Variants in ZNF469 observed in about 807,000 individuals in gnomAD.
The protein encoded by ZNF469 is zinc finger protein 469.
Under a neutral mutation model 1.0 loss-of-function variants are expected in ZNF469, and 1 was observed. That is an observed-to-expected ratio of 1.00 (90% CI 0.35 to 4.73). The LOEUF (loss-of-function observed/expected upper bound fraction) is 4.73, where lower values mean the gene tolerates loss of function less well. Ranked by LOEUF, ZNF469 falls within the 30% of genes most tolerant of loss-of-function variation. The pLI, the probability that ZNF469 is intolerant of heterozygous loss-of-function variation, is 0.16. For missense variants in ZNF469, 6,100 were observed against 5,356.3 expected (o/e 1.14, Z -4.33); for synonymous variants, 2,703 against 2,363.4 (o/e 1.14, Z -4.17).
At chr16:88,298,594 C>G in the ZNF469 span, among the ~76,000 whole-genome samples, 1 of 152,206 alleles carries the variant, frequency 6.6e-6, no homozygotes, top group African/African-American at 2.4e-5. Context: ...ACGATTCTTA[C>G]TCTTAAAATA....
the ZNF469 span, among the ~76,000 whole-genome samples, chr16:88,124,702 A>G: frequency 2.0e-5 from 3 of 152,178 alleles, no homozygotes. Flanking sequence ...CTCCTGCCTC[A>G]GTCTCCCGAG....
chr16:88,130,436 C>A, the ZNF469 span, among the ~76,000 whole-genome samples: 265 of 152,240 alleles, frequency 1.7e-3, 1 homozygote, highest in African/African-American at 6.1e-3. Context: ...CACTCAAGGA[C>A]TTCACCGGCA....
chr16:88,234,856 G>C, the ZNF469 span: 2 of 152,198 alleles, frequency 1.3e-5, no homozygotes, highest in African/African-American at 4.8e-5. Context: ...GCAAGCAATC[G>C]TGCCTGACTC....
chr16:88,428,700 G>A lies in ZNF469; in HGVS notation c.1230G>A (p.Ala410=), dbSNP rs942110257. The A allele has an allele frequency of 2.1e-5, 32 of 1,549,000 alleles. No individual in the cohort carries two copies. The highest frequency in any genetic ancestry group is 2.4e-5 in the East Asian group (1 of 40,904). ...CCCAGAGGCACTTTCCAGGGCAGGC[G>A]TACAGAGCCAGTGGGGTGGACACCA... ...SLPQRHFPGQ[A]YRASGVDTSP... Residue 410 remains alanine, a synonymous_variant, in exon 3 of 3, where the codon GCG becomes GCA. Transcript: ENST00000565624.
rs273585628 is a variant in ZNF469 at position 88,438,043 on chromosome 16, G to A, written c.10573G>A (p.Glu3525Lys). Residue 3525 changes from glutamate (E) to lysine (K), a missense_variant, in exon 3 of 3, where the codon GAG becomes AAG. Transcript: ENST00000565624. ...TCCCAGCACCACCAAGGGATGGCCC[G>A]AGACCCTAGAGAGGCCTGTAGACCC... Reference protein sequence around the residue: ...VAPSTTKGWPETLERPVDPVT... With the variant: ...VAPSTTKGWPKTLERPVDPVT... The A allele has an allele frequency of 5.9e-5, 92 of 1,550,118 alleles. 1 individual carries two copies. In the South Asian group the frequency reaches 8.0e-4, roughly 13 times the overall value.
chr16:88,193,102 ATGGTGG>A, the ZNF469 span, among the ~76,000 whole-genome samples: 275 of 30,540 alleles, frequency 9.0e-3, 7 homozygotes, highest in Middle Eastern at 0.031. Flanking sequence ...GATGGTGTTG[ATGGTGG>A]TGGTGGTGAT....
At position 88,436,710 on chromosome 16, in the gene ZNF469, C is replaced by T. The variant is rs1204859520; in HGVS notation, c.9240C>T (p.Gly3080=). 3 of 1,549,346 alleles carry T rather than the reference C, an allele frequency of 1.9e-6. No individual in the cohort carries two copies. The highest frequency in any genetic ancestry group is 2.0e-5 in the Admixed American group (1 of 50,964). The part of the protein sequence containing the change: ...LPGPSFLDFE[G]TASSQGPQSR... ...GCCCCAGCTTCTTAGACTTCGAGGG[C>T]ACGGCGAGCTCACAGGGGCCACAGA... The change falls in exon 3 of 3, where the codon GGC becomes GGT. Residue 3080 remains glycine, a synonymous_variant. Coordinates refer to ENST00000565624, the MANE Select transcript of ZNF469 (RefSeq NM_001367624.2).
intron 1 of ZNF469, among the ~76,000 whole-genome samples, chr16:88,421,461 C>G (rs1373962228): frequency 6.6e-6 from 1 of 152,232 alleles, no homozygotes; most frequent in African/African-American, 2.4e-5. Context: ...GGCCAGAACC[C>G]AAGGCCTGGA....
chr16:88,332,850 C>G, the ZNF469 span, among the ~76,000 whole-genome samples: 1 of 152,210 alleles, frequency 6.6e-6, no homozygotes, highest in Non-Finnish European at 1.5e-5. Flanking sequence ...GTTTCACAGA[C>G]GAGAAGACCA....
At chr16:88,113,236 T>C in the ZNF469 span, among the ~76,000 whole-genome samples, 3 of 152,326 alleles carry the variant, frequency 2.0e-5, no homozygotes, top group Non-Finnish European at 4.4e-5. Context: ...TTGGAGGTCT[T>C]GGATTCCAGA....
intron 1 of ZNF469, among the ~76,000 whole-genome samples, chr16:88,410,490 T>G (rs973221960): frequency 1.4e-5 from 2 of 144,386 alleles, no homozygotes; most frequent in Non-Finnish European, 3.0e-5. Flanking sequence ...ACGTCTATGA[T>G]GCCGTTGATG....
chr16:88,327,457 G>A, the ZNF469 span, among the ~76,000 whole-genome samples: 5 of 152,244 alleles, frequency 3.3e-5, no homozygotes, highest in South Asian at 2.1e-4. Context: ...ATCCCAGGGC[G>A]TAAGCATGGT....
At chr16:88,399,929 G>A (rs953604363) in intron 1 of ZNF469, among the ~76,000 whole-genome samples, 3 of 152,226 alleles carry the variant, frequency 2.0e-5, no homozygotes, top group African/African-American at 7.2e-5. Flanking sequence ...CCCTAGAGAG[G>A]CAGACACCAG....
At chr16:88,120,681 T>C in the ZNF469 span, among the ~76,000 whole-genome samples, 1 of 152,186 alleles carries the variant, frequency 6.6e-6, no homozygotes, top group African/African-American at 2.4e-5. Flanking sequence ...CGGGCCTCAC[T>C]GCACCGGGAC....
chr16:88,193,121 TG>T, the ZNF469 span, among the ~76,000 whole-genome samples: 7 of 14,144 alleles, frequency 4.9e-4, no homozygotes, highest in African/African-American at 9.6e-4. Flanking sequence ...GTGGTGATGG[TG>T]GTGGTGGTGA....
chr16:88,322,919 C>T, the ZNF469 span, among the ~76,000 whole-genome samples: 3 of 152,154 alleles, frequency 2.0e-5, no homozygotes, highest in East Asian at 1.9e-4. Context: ...CTCAGGAAAG[C>T]GGAGAGGATG....
At chr16:88,354,193 G>T in the ZNF469 span, among the ~76,000 whole-genome samples, 3 of 152,150 alleles carry the variant, frequency 2.0e-5, no homozygotes, top group African/African-American at 4.8e-5. Context: ...CCCTTCTACG[G>T]GCAGAAAGTC....
chr16:88,139,703 C>T, the ZNF469 span, among the ~76,000 whole-genome samples: 1 of 151,910 alleles, frequency 6.6e-6, no homozygotes, highest in Non-Finnish European at 1.5e-5. Context: ...ACCTTTTTGT[C>T]CCCTGGCCTG....
chr16:88,431,299 A>T lies in ZNF469; in HGVS notation c.3829A>T (p.Thr1277Ser), dbSNP rs1906162237. The change falls in exon 3 of 3, where the codon ACC (threonine) becomes TCC (serine). Residue 1277 changes from threonine (T) to serine (S), a missense_variant. By Grantham distance (58) the Thr-to-Ser change is moderately conservative (BLOSUM62 1). Transcript: ENST00000565624. ...GCCGCCCAGCAGACATGACACCGGCACCCCCAAGCCGTCGGGAAGCCTCGC... is the reference window on the plus strand; with the variant it reads ...GCCGCCCAGCAGACATGACACCGGCTCCCCCAAGCCGTCGGGAAGCCTCGC... ...QPPPSRHDTG[T>S]PKPSGSLANT... 3 of 1,549,962 alleles carry T rather than the reference A, an allele frequency of 1.9e-6. No individual in the cohort carries two copies. Among genetic ancestry groups the T allele is most frequent in the Non-Finnish European group, 2.6e-6 (3 of 1,146,838 alleles).
Sources: gnomAD v4.1 joint callset for allele counts (sites outside exome capture counted in the v4.1 genomes callset) on GRCh38, gnomAD v4.1.1 for gene constraint, MANE v1.5 for transcripts, NCBI Gene and HGNC (gene_info 2026-07-23, HGNC 2026-07-21) for gene names.